The following SLC39A14 variants were observed in gnomAD, a reference collection of about 807,000 sequenced individuals.
The protein encoded by SLC39A14 is metal cation symporter ZIP14.
In SLC39A14, 19 loss-of-function variants were observed where a neutral mutation model predicts 45.5. The ratio of observed to expected loss-of-function variants is 0.42; its 90% CI spans 0.29 to 0.61. The LOEUF is 0.61. Among genes scored for constraint, SLC39A14 ranks in the 20% least tolerant of loss-of-function variants. SLC39A14 has a pLI of 0.22. For synonymous variants in SLC39A14, 264 were observed against 251.3 expected (o/e 1.05, Z -0.48); for missense variants, 447 against 616.5 (o/e 0.73, Z 2.91).
intron 3 of SLC39A14, among the ~76,000 whole-genome samples, chr8:22,411,598 A>G (rs1290507558): frequency 1.3e-5 from 2 of 152,174 alleles, no homozygotes; most frequent in East Asian, 1.9e-4. Context: ...ACCTGCTTGC[A>G]TGTCCTATAA....
intron 4 of SLC39A14, among the ~76,000 whole-genome samples, chr8:22,413,185 G>A (rs945328673): frequency 2.0e-5 from 3 of 152,220 alleles, no homozygotes; most frequent in African/African-American, 7.2e-5. Context: ...ACGTCTCCCT[G>A]TGGGTGGTCT....
At chr8:22,417,359 G>A (rs141883397) in intron 7 of SLC39A14, among the ~76,000 whole-genome samples, 73 of 152,316 alleles carry the variant, frequency 4.8e-4, no homozygotes, top group South Asian at 1.2e-3. Flanking sequence ...AAATGGAGAC[G>A]GGTCCTGAAC....
intron 1 of SLC39A14, among the ~76,000 whole-genome samples, chr8:22,375,004 C>T (rs1833135959): frequency 6.6e-6 from 1 of 151,690 alleles, no homozygotes; most frequent in Non-Finnish European, 1.5e-5. Flanking sequence ...CCTTGGCCTC[C>T]CAGAGTGCTG....
intron 1 of SLC39A14, among the ~76,000 whole-genome samples, chr8:22,394,295 G>A (rs895281643): frequency 1.3e-5 from 2 of 151,074 alleles, no homozygotes; most frequent in African/African-American, 4.9e-5. Context: ...ATGAGCCACT[G>A]TGCCCAGCCC....
At chr8:22,386,527 G>A (rs183922065) in intron 1 of SLC39A14, among the ~76,000 whole-genome samples, 3 of 152,134 alleles carry the variant, frequency 2.0e-5, no homozygotes, top group Non-Finnish European at 2.9e-5. Flanking sequence ...TCGGCCTCCC[G>A]AAGTGCTAGG....
intron 1 of SLC39A14, among the ~76,000 whole-genome samples, chr8:22,382,030 A>G (rs113402336): frequency 0.03 from 4,568 of 152,188 alleles, 215 homozygotes; most frequent in African/African-American, 0.1. Flanking sequence ...AATCCCAGCT[A>G]CTTGGGAGGC....
chr8:22,375,733 C>T (rs1833182123), intron 1 of SLC39A14, among the ~76,000 whole-genome samples: 1 of 152,190 alleles, frequency 6.6e-6, no homozygotes, highest in Admixed American at 6.5e-5. Context: ...GGTGATCTAC[C>T]CGCCTTGGCT....
intron 2 of SLC39A14, among the ~76,000 whole-genome samples, chr8:22,408,052 A>G (rs1835331547): frequency 6.6e-6 from 1 of 152,176 alleles, no homozygotes; most frequent in South Asian, 2.1e-4. Context: ...AAAGTTTCTC[A>G]GGCACTCATT....
chr8:22,375,575 T>TC (rs1366718602), intron 1 of SLC39A14, among the ~76,000 whole-genome samples: 2 of 152,084 alleles, frequency 1.3e-5, no homozygotes, highest in East Asian at 3.9e-4. Flanking sequence ...AACCTCCGCC[T>TC]CCCAGGTTCA....
chr8:22,368,758 G>A (rs563615893), intron 1 of SLC39A14, among the ~76,000 whole-genome samples: 51 of 151,970 alleles, frequency 3.4e-4, no homozygotes, highest in East Asian at 2.9e-3. Context: ...GGATGGTCTC[G>A]ATCTCCTGAC....
At chr8:22,405,624 G>T (rs1835167896) in intron 2 of SLC39A14, among the ~76,000 whole-genome samples, 1 of 151,970 alleles carries the variant, frequency 6.6e-6, no homozygotes, top group African/African-American at 2.4e-5. Flanking sequence ...CGGCTCCCAG[G>T]ACGGTATTTC....
chr8:22,425,662 T>C (rs1030812742), downstream of SLC39A14, among the ~76,000 whole-genome samples: 1 of 152,154 alleles, frequency 6.6e-6, no homozygotes, highest in Non-Finnish European at 1.5e-5. Context: ...TTTCAGCAGA[T>C]GTCTATTCTT....
In SLC39A14 at chr8:22,374,589, A is replaced by G. The variant is rs575698887; in HGVS notation, c.-16+7181A>G. 2.0e-5 allele frequency among the ~76,000 whole-genome samples: 3 copies of G among 152,004 alleles called. No homozygotes were observed. In the East Asian group the frequency reaches 5.8e-4, roughly 29 times the overall value. The stretch of plus-strand genomic sequence containing the variant: ...CCCAGAGTGGCTGAGAGGGAGCAGC[A>G]AGTGAGGTAGCTGGAAATGTACGTT... On this transcript the variant is annotated intron_variant, in intron 1 of 8. Transcript: ENST00000381237.
intron 3 of SLC39A14, among the ~76,000 whole-genome samples, chr8:22,409,530 G>A (rs940258773): frequency 1.3e-5 from 2 of 152,002 alleles, no homozygotes; most frequent in Non-Finnish European, 1.5e-5. Context: ...TTTCAGGCAC[G>A]CGCCACCACG....
At chr8:22,393,275 G>A in intron 1 of SLC39A14, 1 of 981,368 alleles carries the variant, frequency 1.0e-6, no homozygotes, top group Non-Finnish European at 1.2e-6. Flanking sequence ...AGGAGGCAGG[G>A]GGAGAATGGG....
intron 1 of SLC39A14, among the ~76,000 whole-genome samples, chr8:22,401,115 T>C (rs988216231): frequency 1.3e-5 from 2 of 152,214 alleles, no homozygotes; most frequent in Non-Finnish European, 2.9e-5. Flanking sequence ...CAAGGTAGGT[T>C]TGTCTGACAC....
chr8:22,402,675 A>G (rs558020566), intron 1 of SLC39A14, among the ~76,000 whole-genome samples: 6 of 149,178 alleles, frequency 4.0e-5, no homozygotes, highest in Admixed American at 2.7e-4. Flanking sequence ...AGGCTGAGGC[A>G]GGAGAATTGC....
intron 1 of SLC39A14, among the ~76,000 whole-genome samples, chr8:22,372,460 C>T (rs967953377): frequency 1.3e-5 from 2 of 152,132 alleles, no homozygotes; most frequent in African/African-American, 2.4e-5. Context: ...ATGGAAGTAT[C>T]ATCTTTTTTA....
Position 22,420,910 on chromosome 8 carries a change from G to A in SLC39A14, c.*1212G>A, listed in dbSNP as rs550485867. 39 of 985,678 alleles carry A rather than the reference G, an allele frequency of 4.0e-5. No homozygotes were observed. The highest frequency in any genetic ancestry group is 1.2e-4 in the African/African-American group (7 of 57,320). The allele number at this position is 985,678 out of a possible 1,614,324, so 61.1% of individuals were successfully genotyped here. On this transcript the variant is annotated 3_prime_UTR_variant, in exon 9 of 9. Transcript: ENST00000381237. ...TTACTGCTTCCTTGCAAAAAAAGTC[G>A]AATCCTGCATTGAATTGAATATGAA...
Sources: gnomAD v4.1 joint callset for allele counts (sites outside exome capture counted in the v4.1 genomes callset) on GRCh38, gnomAD v4.1.1 for gene constraint, MANE v1.5 for transcripts, NCBI Gene and HGNC (gene_info 2026-07-23, HGNC 2026-07-21) for gene names.